The following HUS1 variants were observed in gnomAD, a reference collection of about 807,000 sequenced individuals.
HUS1 encodes the protein HUS1 checkpoint clamp component.
In HUS1, 31 loss-of-function variants were observed where a neutral mutation model predicts 32.6. The ratio of observed to expected loss-of-function variants is 0.95; its 90% CI spans 0.72 to 1.28. HUS1 has a LOEUF of 1.28. Among genes scored for constraint, HUS1 ranks in the 50% most tolerant of loss-of-function variants. HUS1 has a pLI of 0.00. For missense variants in HUS1, 340 were observed against 337.7 expected (o/e 1.01, Z -0.05); for synonymous variants, 123 against 116.6 (o/e 1.06, Z -0.36).
intron 3 of HUS1, 180 bp downstream of exon 3, chr7:47,978,237 C>T (rs1181008358): frequency 7.4e-6 from 4 of 540,526 alleles, no homozygotes; most frequent in Non-Finnish European, 1.3e-5. Flanking sequence ...ATGATAACAA[C>T]ACAATTTTAA....
Position 47,978,831 on chromosome 7 carries a change from A to G in HUS1, c.53-15T>C, listed in dbSNP as rs201243619. On this transcript the variant is annotated splice_polypyrimidine_tract_variant and intron_variant, in intron 1 of 7. Coordinates refer to ENST00000258774, the MANE Select transcript of HUS1 (RefSeq NM_004507.4). The stretch of plus-strand genomic sequence containing the variant: ...GTTACTGATTCCTAAAGCAGGGGTT[A>G]AAATAAGGAATTACTAAAATGCACA... 3.1e-4 allele frequency: 500 copies of G among 1,611,840 alleles called. 3 individuals are homozygous for G. Among genetic ancestry groups the G allele is most frequent in the Admixed American group, 2.5e-4 (15 of 59,504 alleles).
At position 47,969,118 on chromosome 7, in the gene HUS1, C is replaced by T. The variant is rs923449752; in HGVS notation, c.640+101G>A. On this transcript the variant is annotated intron_variant, in intron 6 of 7. Transcript: ENST00000258774. ...TCTTCACCCAAGCATGAAACAAAGT[C>T]AACTGAATTTCAACCTTTTTACATG... 7.9e-6 allele frequency: 5 copies of T among 633,684 alleles called. No homozygotes were observed. In the Admixed American group the frequency reaches 1.5e-4, roughly 19 times the overall value. The allele number at this position is 633,684 out of a possible 1,614,324, so 39.3% of individuals were successfully genotyped here.
chr7:47,968,143 G>A (rs1231377810), intron 6 of HUS1, among the ~76,000 whole-genome samples: 2 of 151,894 alleles, frequency 1.3e-5, no homozygotes, highest in Non-Finnish European at 2.9e-5. Flanking sequence ...ATTTACAGGG[G>A]ACTTGAAATA....
intron 4 of HUS1, 193 bp downstream of exon 4, chr7:47,976,537 G>A: frequency 1.6e-6 from 1 of 622,394 alleles, no homozygotes; most frequent in South Asian, 1.6e-5. Context: ...TCTACATATA[G>A]GATGGCATGA....
At chr7:47,978,884 T>C in intron 1 of HUS1, 68 bp from the exon 2 acceptor site, 1 of 1,508,770 alleles carries the variant, frequency 6.6e-7, no homozygotes, top group East Asian at 2.3e-5. Context: ...CAACTTATTT[T>C]GCAGAATTTC....
chr7:47,976,191 G>A (rs1490854262), intron 4 of HUS1: 1 of 365,192 alleles, frequency 2.7e-6, no homozygotes, highest in Non-Finnish European at 5.4e-6. Flanking sequence ...GTGCCATCTA[G>A]TAAAAGTCAA....
At position 47,965,406 on chromosome 7, in the gene HUS1, G is replaced by C; in HGVS notation, c.793C>G (p.Leu265Val). 1 of 1,613,466 alleles carries C rather than the reference G, an allele frequency of 6.2e-7. No individual in the cohort carries two copies. The highest frequency in any genetic ancestry group is 1.7e-4 in the Middle Eastern group (1 of 6,058). Residue 265 changes from leucine (L) to valine (V), a missense_variant, in exon 8 of 8, where the codon CTG (leucine) becomes GTG (valine). Transcript: ENST00000258774. Reference protein sequence around the residue: ...IVNNKMVHFDLLHEDVSLQYF... With the variant: ...IVNNKMVHFDVLHEDVSLQYF... Reference sequence around the variant, plus strand: ...TGAAGGGACACGTCTTCATGAAGCAGATCAAAATGCACCATCTTGTTATTC... The same window carrying C: ...TGAAGGGACACGTCTTCATGAAGCACATCAAAATGCACCATCTTGTTATTC...
intron 7 of HUS1, among the ~76,000 whole-genome samples, chr7:47,967,057 C>T (rs1041110248): frequency 6.6e-6 from 1 of 152,212 alleles, no homozygotes; most frequent in Non-Finnish European, 1.5e-5. Context: ...CTCTACAGCA[C>T]ACTGCAGATC....
chr7:47,978,348 C>T, intron 3 of HUS1, 69 bp downstream of exon 3: 1 of 1,339,450 alleles, frequency 7.5e-7, no homozygotes, highest in Non-Finnish European at 1.0e-6. Context: ...GTTAAAAAGG[C>T]TAGGCTAACT....
intron 6 of HUS1, 99 bp downstream of exon 6, chr7:47,969,120 A>T: frequency 1.6e-6 from 1 of 638,070 alleles, no homozygotes; most frequent in East Asian, 2.7e-5. Context: ...AACAAAGTCA[A>T]CTGAATTTCA....
At position 47,963,571 on chromosome 7, in the gene HUS1, A is replaced by C. The variant is rs986282517; in HGVS notation, c.*1785T>G. 5 of 152,234 alleles carry C rather than the reference A, an allele frequency of 3.3e-5. No individual in the cohort carries two copies. The highest frequency in any genetic ancestry group is 1.2e-4 in the African/African-American group (5 of 41,464). The allele number at this position is 152,234 out of a possible 1,614,324, so 9.4% of individuals were successfully genotyped here. ...TTTAAAAATTAAAACGGTGTCTTCT[A>C]ATTTTAAAATGTTAATTTAACAAAA... On this transcript the variant is annotated 3_prime_UTR_variant, in exon 8 of 8. Transcript: ENST00000258774.
intron 5 of HUS1, among the ~76,000 whole-genome samples, chr7:47,975,363 T>A (rs1235842066): frequency 6.8e-6 from 1 of 146,556 alleles, no homozygotes; most frequent in Non-Finnish European, 1.5e-5. Flanking sequence ...ATACAAAATA[T>A]AAGAGGAAAA....
chr7:47,976,804 G>C lies in HUS1; in HGVS notation c.391C>G (p.His131Asp). ...SMSSSSRIVT[H>D]DIPIKVIPRK... ...GGAATCACCTTTATGGGGATGTCAT[G>C]GGTCACAATGCGGCTACTGCTTGAC... Residue 131 changes from histidine (H) to aspartate (D), a missense_variant, in exon 4 of 8, where the codon CAT becomes GAT. By Grantham distance (81) the His-to-Asp change is moderately conservative. Transcript: ENST00000258774. The C allele has an allele frequency of 6.2e-7, 1 of 1,613,072 alleles. No individual in the cohort carries two copies.
Position 47,979,569 on chromosome 7 carries a change from GTC to G in HUS1, c.-52_-51del. On this transcript the variant is annotated 5_prime_UTR_variant, in exon 1 of 8. Transcript: ENST00000258774. The stretch of plus-strand genomic sequence containing the variant: ...GGGCCTCTGTGGGTAACAGAAAAGC[GTC>G]GCGCCCTGAGTGTCCCCGCCCGGAA... The G allele has an allele frequency of 6.8e-7, 1 of 1,469,592 alleles. No individual in the cohort carries two copies. The highest frequency in any genetic ancestry group is 9.5e-7 in the Non-Finnish European group (1 of 1,055,420). 91.0% of individuals were successfully genotyped at this position (1,469,592 alleles called of 1,614,324 possible). A position where few individuals can be genotyped will look rare whatever the true frequency, so the allele number is the denominator to read the frequency against.
chr7:47,975,743 A>C, intron 4 of HUS1, 56 bp from the exon 5 acceptor site: 1 of 974,088 alleles, frequency 1.0e-6, no homozygotes, highest in Non-Finnish European at 1.6e-6. Context: ...ATACTCTAGT[A>C]ATGACAAGGG....
chr7:47,976,771 A>G lies in HUS1; in HGVS notation c.424T>C (p.Leu142=), dbSNP rs1250292272. 5.0e-6 allele frequency: 8 copies of G among 1,613,604 alleles called. No homozygotes were observed. Among genetic ancestry groups the G allele is most frequent in the Non-Finnish European group, 6.8e-6 (8 of 1,179,762 alleles). ...ACCGGTTCTTGTAAGTCCTTCCACA[A>G]TTTCCTAGGAATCACCTTTATGGGG... ...DIPIKVIPRK[L]WKDLQEPVVP... Residue 142 remains leucine (L), a synonymous_variant, in exon 4 of 8, where the codon TTG becomes CTG. Coordinates refer to ENST00000258774, the MANE Select transcript of HUS1 (RefSeq NM_004507.4).
intron 7 of HUS1, 66 bp downstream of exon 7, chr7:47,967,740 C>A: frequency 1.5e-6 from 2 of 1,320,990 alleles, no homozygotes; most frequent in African/African-American, 1.5e-5. Flanking sequence ...ATCTGTTAGA[C>A]TAGAGTTGAC....
At chr7:47,973,353 C>T (rs577153248) in intron 5 of HUS1, among the ~76,000 whole-genome samples, 3 of 152,370 alleles carry the variant, frequency 2.0e-5, no homozygotes, top group Admixed American at 1.3e-4. Context: ...CCTCAGGCTC[C>T]AGCTCAGACC....
At chr7:47,974,208 T>C (rs1312202660) in intron 5 of HUS1, among the ~76,000 whole-genome samples, 1 of 152,244 alleles carries the variant, frequency 6.6e-6, no homozygotes, top group African/African-American at 2.4e-5. Flanking sequence ...GCAACACTTA[T>C]TGCTGCCTAC....
Sources: gnomAD v4.1 joint callset for allele counts (sites outside exome capture counted in the v4.1 genomes callset) on GRCh38, gnomAD v4.1.1 for gene constraint, MANE v1.5 for transcripts, NCBI Gene and HGNC (gene_info 2026-07-23, HGNC 2026-07-21) for gene names.